Variants in RORA observed in about 807,000 individuals in gnomAD.
RORA encodes nuclear receptor ROR-alpha.
In RORA, 7 loss-of-function variants were observed where a neutral mutation model predicts 69.5. That is an observed-to-expected ratio of 0.10 (90% CI 0.06 to 0.19). The LOEUF (loss-of-function observed/expected upper bound fraction) is 0.19, where lower values mean the gene tolerates loss of function less well. RORA is among the 10% of genes least tolerant of loss of function. RORA has a pLI of 1.00. For synonymous variants in RORA, 261 were observed against 240.8 expected, an observed-to-expected ratio of 1.08 and a Z score of -0.78; for missense variants, 457 against 663.0, an observed-to-expected ratio of 0.69 and a Z score of 3.41.
At chr15:60,763,455 T>C (rs1236279493) in intron 1 of RORA, among the ~76,000 whole-genome samples, 2 of 152,164 alleles carry the variant, frequency 1.3e-5, no homozygotes, top group African/African-American at 4.8e-5. Context: ...TTAGAAAGTT[T>C]CCTTTTCAAA....
intron 1 of RORA, among the ~76,000 whole-genome samples, chr15:61,196,283 T>C (rs984959815): frequency 6.6e-6 from 1 of 152,244 alleles, no homozygotes; most frequent in African/African-American, 2.4e-5. Flanking sequence ...TATCAGACTA[T>C]CATCAACCAG....
chr15:60,733,245 G>T (rs146179403), intron 1 of RORA, among the ~76,000 whole-genome samples: 1 of 152,262 alleles, frequency 6.6e-6, no homozygotes, highest in South Asian at 2.1e-4. Context: ...CTTTCTTGGG[G>T]TGATTTCTTT....
At chr15:60,980,108 A>G (rs1893999352) in intron 1 of RORA, among the ~76,000 whole-genome samples, 4 of 152,132 alleles carry the variant, frequency 2.6e-5, no homozygotes, top group Admixed American at 2.6e-4. Flanking sequence ...ATTTGGTTAA[A>G]TCCTTTTTCT....
intron 1 of RORA, among the ~76,000 whole-genome samples, chr15:61,153,099 G>A (rs2079411802): frequency 6.6e-6 from 1 of 152,110 alleles, no homozygotes; most frequent in Non-Finnish European, 1.5e-5. Context: ...AAAGTCACGA[G>A]AGTACACAGA....
chr15:60,525,317 G>A (rs2066315085), intron 3 of RORA, among the ~76,000 whole-genome samples: 1 of 152,200 alleles, frequency 6.6e-6, no homozygotes, highest in Non-Finnish European at 1.5e-5. Flanking sequence ...ACGCTGCACT[G>A]TGGGTGTGGC....
At chr15:60,888,256 G>A (rs917812287) in intron 1 of RORA, among the ~76,000 whole-genome samples, 4 of 152,170 alleles carry the variant, frequency 2.6e-5, no homozygotes, top group African/African-American at 7.2e-5. Flanking sequence ...CCAGCTGGGC[G>A]GTCCCAAACC....
intron 1 of RORA, among the ~76,000 whole-genome samples, chr15:61,023,187 C>CAAAAAAAAAAAAAAAAAAAAAAAAAA (rs35185635): frequency 1.3e-5 from 1 of 75,672 alleles, no homozygotes; most frequent in Non-Finnish European, 2.4e-5. Flanking sequence ...GACTCTGCCT[C>CAAAAAAAAAAAAAAAAAAAAAAAAAA]AAAAAAAAAA....
intron 1 of RORA, among the ~76,000 whole-genome samples, chr15:60,962,922 G>A (rs1469481535): frequency 1.3e-5 from 2 of 152,254 alleles, no homozygotes; most frequent in Non-Finnish European, 2.9e-5. Context: ...ACAACATGGA[G>A]GTGGTACCAT....
At chr15:61,127,690 T>C (rs779370147) in intron 1 of RORA, among the ~76,000 whole-genome samples, 13 of 152,200 alleles carry the variant, frequency 8.5e-5, no homozygotes, top group Non-Finnish European at 5.9e-5. Flanking sequence ...TTTTCTTTAA[T>C]TTGACAGAAC....
At chr15:60,558,070 A>G in intron 2 of RORA, 1 of 443,458 alleles carries the variant, frequency 2.3e-6, no homozygotes, top group Non-Finnish European at 4.0e-6. Context: ...GACGAAAGAG[A>G]GAATTAAATA....
At chr15:61,027,989 GC>G (rs1895922072) in intron 1 of RORA, among the ~76,000 whole-genome samples, 1 of 152,142 alleles carries the variant, frequency 6.6e-6, no homozygotes, top group Admixed American at 6.5e-5. Context: ...ACTTGTTCAA[GC>G]AAAAATATTT....
chr15:60,875,555 G>C (rs1453333849), intron 1 of RORA, among the ~76,000 whole-genome samples: 1 of 152,146 alleles, frequency 6.6e-6, no homozygotes. Flanking sequence ...GTCTACAAAT[G>C]GTAGCAGGAC....
At chr15:60,856,422 A>C (rs1221326792) in intron 1 of RORA, among the ~76,000 whole-genome samples, 2 of 152,096 alleles carry the variant, frequency 1.3e-5, no homozygotes, top group Non-Finnish European at 2.9e-5. Flanking sequence ...GCATGGTAGC[A>C]GATCTCCTGA....
chr15:61,010,456 G>C (rs537975789), intron 1 of RORA, among the ~76,000 whole-genome samples: 1 of 152,108 alleles, frequency 6.6e-6, no homozygotes, highest in Non-Finnish European at 1.5e-5. Context: ...GTCATATTAG[G>C]ACTTAGTTGC....
At chr15:60,995,550 A>G (rs983874317) in intron 1 of RORA, among the ~76,000 whole-genome samples, 5 of 151,930 alleles carry the variant, frequency 3.3e-5, no homozygotes, top group Non-Finnish European at 7.4e-5. Flanking sequence ...CCTCCCGCTC[A>G]CTTAGTAAAA....
chr15:60,954,352 T>C (rs1470876687), intron 1 of RORA, among the ~76,000 whole-genome samples: 3 of 144,668 alleles, frequency 2.1e-5, no homozygotes, highest in African/African-American at 7.7e-5. Context: ...AGATGACGAG[T>C]TAGTGGGTGC....
intron 1 of RORA, among the ~76,000 whole-genome samples, chr15:61,164,478 C>T (rs766201584): frequency 1.4e-4 from 22 of 152,132 alleles, no homozygotes; most frequent in Admixed American, 1.2e-3. Context: ...GCAACCATTG[C>T]CGTATACAGG....
chr15:61,211,645 C>T (rs1441935537), intron 1 of RORA, among the ~76,000 whole-genome samples: 1 of 152,140 alleles, frequency 6.6e-6, no homozygotes, highest in African/African-American at 2.4e-5. Context: ...CAGAGCTCAC[C>T]GAAAACAACA....
At chr15:60,705,107 A>G (rs1273421165) in intron 1 of RORA, among the ~76,000 whole-genome samples, 1 of 140,358 alleles carries the variant, frequency 7.1e-6, no homozygotes, top group African/African-American at 2.6e-5. Flanking sequence ...TATCGTTCTC[A>G]TTATGACATT....
Sources: allele counts gnomAD v4.1 joint callset (sites outside exome capture counted in the v4.1 genomes callset), GRCh38; gene constraint gnomAD v4.1.1; transcripts MANE v1.5; gene names NCBI Gene and HGNC (gene_info 2026-07-23, HGNC 2026-07-21).